Variants in TBC1D1 observed in about 807,000 individuals in gnomAD.
The protein encoded by TBC1D1 is TBC1 domain family member 1.
Under a neutral mutation model 125.6 loss-of-function variants are expected in TBC1D1, and 89 were observed. The ratio of observed to expected loss-of-function variants is 0.71; its 90% confidence interval spans 0.60 to 0.85. The LOEUF (loss-of-function observed/expected upper bound fraction) is 0.85. Among genes scored for constraint, TBC1D1 ranks in the 40% least tolerant of loss-of-function variants. The pLI, the probability that TBC1D1 is intolerant of heterozygous loss-of-function variation, is 0.00. For synonymous variants in TBC1D1, 565 were observed against 564.1 expected, an observed-to-expected ratio of 1.00 and a Z score of -0.02; for missense variants, 1,377 against 1,469.2, an observed-to-expected ratio of 0.94 and a Z score of 1.03.
chr4:38,071,798 A>G (rs954974497), intron 12 of TBC1D1, among the ~76,000 whole-genome samples: 3 of 152,194 alleles, frequency 2.0e-5, no homozygotes, highest in Non-Finnish European at 1.5e-5. Context: ...TCTACTTGGT[A>G]TTATTGATAG....
intron 1 of TBC1D1, among the ~76,000 whole-genome samples, chr4:37,894,785 T>C (rs183533033): frequency 1.3e-5 from 2 of 152,316 alleles, no homozygotes; most frequent in Non-Finnish European, 2.9e-5. Context: ...AAAATTTAGA[T>C]AGACCAACCC....
intron 13 of TBC1D1, among the ~76,000 whole-genome samples, chr4:38,093,767 A>G (rs1758856959): frequency 6.6e-6 from 1 of 152,120 alleles, no homozygotes; most frequent in South Asian, 2.1e-4. Flanking sequence ...TCCTGACCTC[A>G]GGTAATCCTC....
intron 15 of TBC1D1, among the ~76,000 whole-genome samples, chr4:38,112,712 T>G (rs1762388561): frequency 6.6e-6 from 1 of 152,186 alleles, no homozygotes; most frequent in African/African-American, 2.4e-5. Context: ...TTTTTATTAG[T>G]GAAATGGATG....
At chr4:38,110,347 T>C (rs1317380167) in intron 15 of TBC1D1, 2 of 983,486 alleles carry the variant, frequency 2.0e-6, no homozygotes, top group Non-Finnish European at 2.4e-6. Flanking sequence ...ATGCCTGGGA[T>C]GTGCAGGTTT....
At chr4:38,036,506 A>G (rs534518666) in intron 8 of TBC1D1, among the ~76,000 whole-genome samples, 4 of 152,366 alleles carry the variant, frequency 2.6e-5, no homozygotes, top group African/African-American at 9.6e-5. Context: ...TCCCAAAAGT[A>G]TGTTCCCTTT....
At chr4:38,015,120 G>A (rs1742420000) in intron 3 of TBC1D1, 147 bp downstream of exon 3, 3 of 725,004 alleles carry the variant, frequency 4.1e-6, no homozygotes, top group South Asian at 4.7e-5. Flanking sequence ...TCTATTCTTA[G>A]GATAAGCTCC....
chr4:37,927,132 A>G (rs200538861), intron 2 of TBC1D1, among the ~76,000 whole-genome samples: 3 of 116,166 alleles, frequency 2.6e-5, no homozygotes, highest in Admixed American at 1.0e-4. Flanking sequence ...AAAGAAAAGG[A>G]AAAAAAAAGA....
rs752611279 is a variant in TBC1D1 at position 38,095,922 on chromosome 4, A to G, written c.2237-7A>G. 3.5e-5 allele frequency: 56 copies of G among 1,612,508 alleles called. No individual in the cohort carries two copies. The highest frequency in any genetic ancestry group is 3.2e-4 in the Admixed American group (19 of 59,824). On this transcript the variant is annotated splice_region_variant and splice_polypyrimidine_tract_variant and intron_variant, in intron 13 of 19. Transcript: ENST00000261439. ...TTACTAATGCGCTCTGGAATGGTCTATTCCAGCCTCTGAAAATGATTTGCT... is the reference window on the plus strand; with the variant it reads ...TTACTAATGCGCTCTGGAATGGTCTGTTCCAGCCTCTGAAAATGATTTGCT...
In TBC1D1 at chr4:37,922,949, G is replaced by T. The variant is rs555394693; in HGVS notation, c.417+20437G>T. 3.2e-3 allele frequency among the ~76,000 whole-genome samples: 490 copies of T among 152,062 alleles called. 2 individuals are homozygous for T. The highest frequency in any genetic ancestry group is 0.011 in the African/African-American group (472 of 41,472). The stretch of plus-strand genomic sequence containing the variant: ...CACAGCTAATGGATGGGGTGGCAAA[G>T]TTCTCTCTCTTTTTTTTTTAATTAT... On this transcript the variant is annotated intron_variant, in intron 2 of 19. Coordinates refer to ENST00000261439, the MANE Select transcript of TBC1D1 (RefSeq NM_015173.4).
intron 2 of TBC1D1, among the ~76,000 whole-genome samples, chr4:37,916,437 C>T (rs146782753): frequency 6.6e-6 from 1 of 152,004 alleles, no homozygotes; most frequent in African/African-American, 2.4e-5. Flanking sequence ...GTAGTTGTCC[C>T]CTGTATGAAG....
Position 37,995,966 on chromosome 4 carries a change from CCT to C in TBC1D1, c.418-18538_418-18537del, listed in dbSNP as rs1737713622. On this transcript the variant is annotated intron_variant, in intron 2 of 19. Transcript: ENST00000261439. The surrounding 1 kb of genome is among the most constrained non-coding windows in gnomAD (Gnocchi z 4.3). The stretch of plus-strand genomic sequence containing the variant: ...ACTCAAGGACTTCTTTCTTCTCTTG[CCT>C]CTCTGTTTCTACCTCATCCTTGGGT... 1.8e-6 allele frequency: 1 copy of C among 557,684 alleles called. No individual in the cohort carries two copies. Among genetic ancestry groups the C allele is most frequent in the Non-Finnish European group, 3.6e-6 (1 of 281,410 alleles). The allele number at this position is 557,684 out of a possible 1,614,324, so 34.5% of individuals were successfully genotyped here.
chr4:38,102,880 C>T (rs1263462080), intron 14 of TBC1D1, 119 bp from the exon 17 acceptor site: 4 of 976,164 alleles, frequency 4.1e-6, no homozygotes, highest in African/African-American at 4.3e-5. Context: ...GACTCTGTCT[C>T]AAAAAAAAAA....
chr4:38,051,241 G>C lies in TBC1D1; in HGVS notation c.1910+1343G>C, dbSNP rs183589941. On this transcript the variant is annotated intron_variant, in intron 11 of 19. Coordinates refer to ENST00000261439, the MANE Select transcript of TBC1D1 (RefSeq NM_015173.4). ...AGATGATGTCACACATCCGTAATGG[G>C]AGGGATGAGGAGATGCCTGTCTGTC... is the stretch of plus-strand genomic sequence containing the variant. Among the ~76,000 whole-genome samples the C allele has an allele frequency of 5.1e-3, 773 of 152,310 alleles. 4 individuals carry two copies. Among genetic ancestry groups the C allele is most frequent in the African/African-American group, 0.017 (701 of 41,570 alleles).
intron 11 of TBC1D1, 29 bp from the exon 12 acceptor site, chr4:38,051,870 C>A (rs1578438426): frequency 3.2e-6 from 5 of 1,542,768 alleles, no homozygotes; most frequent in African/African-American, 1.4e-5. Context: ...CCTGCTAACC[C>A]CCCCGTGCTT....
chr4:37,919,075 G>A (rs1560476201), intron 2 of TBC1D1, among the ~76,000 whole-genome samples: 1 of 106,690 alleles, frequency 9.4e-6, no homozygotes, highest in Non-Finnish European at 1.9e-5. Flanking sequence ...GAAGACTTAC[G>A]CCCCCATCTT....
chr4:38,056,079 G>C (rs1488183850), intron 12 of TBC1D1, among the ~76,000 whole-genome samples: 1 of 152,240 alleles, frequency 6.6e-6, no homozygotes, highest in African/African-American at 2.4e-5. Flanking sequence ...ACAGTTCCAA[G>C]TTTTCAAACG....
chr4:38,118,170 G>A lies in TBC1D1; in HGVS notation c.2940G>A (p.Leu980=), dbSNP rs774402041. ...CCATGTTTGCCTCACAGTTCCCGCT[G>A]GGATTCGTAGCCAGAGTCTTTGGTG... Residue 980 remains leucine (L), a synonymous_variant, in exon 17 of 20, where the codon CTG becomes CTA. Coordinates refer to ENST00000261439, the MANE Select transcript of TBC1D1 (RefSeq NM_015173.4). The A allele has an allele frequency of 1.2e-5, 20 of 1,614,102 alleles. No homozygotes were observed. In the Admixed American group the frequency reaches 2.5e-4, roughly 20 times the overall value.
intron 2 of TBC1D1, among the ~76,000 whole-genome samples, chr4:38,002,736 C>T (rs561840539): frequency 8.5e-5 from 13 of 152,266 alleles, no homozygotes; most frequent in African/African-American, 3.1e-4. Flanking sequence ...GCTGCCTTGA[C>T]GTGCCATAAA....
At chr4:38,102,895 A>G (rs1578720314) in intron 14 of TBC1D1, 104 bp from the exon 17 acceptor site, 1 of 1,317,752 alleles carries the variant, frequency 7.6e-7, no homozygotes, top group African/African-American at 1.5e-5. Context: ...AAAAAAAAAA[A>G]GGAACAAGAA....
Sources: gnomAD v4.1 joint callset for allele counts (sites outside exome capture counted in the v4.1 genomes callset) on GRCh38, gnomAD v4.1.1 for gene constraint, Gnocchi (gnomAD v3.1) non-coding constraint, MANE v1.5 for transcripts, NCBI Gene and HGNC (gene_info 2026-07-23, HGNC 2026-07-21) for gene names.